GPC5: variants seen among roughly 807,000 people sequenced by gnomAD.
GPC5 encodes the protein glypican-5.
GPC5 carries 47 observed loss-of-function variants against 53.9 expected under a neutral mutation model. That is an observed-to-expected ratio of 0.87 (90% confidence interval 0.69 to 1.11). The LOEUF (loss-of-function observed/expected upper bound fraction) is 1.11. Among genes scored for constraint, GPC5 ranks in the 50% most tolerant of loss-of-function variants. The pLI, the probability that GPC5 is intolerant of heterozygous loss-of-function variation, is 0.00. For missense variants in GPC5, 748 were observed against 713.1 expected (o/e 1.05, Z -0.56); for synonymous variants, 286 against 263.3 (o/e 1.09, Z -0.84).
intron 6 of GPC5, among the ~76,000 whole-genome samples, chr13:92,137,703 G>T (rs1331005): frequency 3.3e-5 from 5 of 152,122 alleles, no homozygotes; most frequent in Admixed American, 6.5e-5. Context: ...ATGGTTCACT[G>T]CATTGTCCAC....
intron 6 of GPC5, among the ~76,000 whole-genome samples, chr13:91,927,890 T>G (rs2039783954): frequency 6.6e-6 from 1 of 152,214 alleles, no homozygotes; most frequent in Non-Finnish European, 1.5e-5. Flanking sequence ...TATAATTATT[T>G]TTCTTCCTTT....
At chr13:92,290,222 G>A (rs1044505388) in intron 7 of GPC5, among the ~76,000 whole-genome samples, 1 of 152,160 alleles carries the variant, frequency 6.6e-6, no homozygotes, top group Non-Finnish European at 1.5e-5. Flanking sequence ...AATTGATTAT[G>A]CAACATACTT....
chr13:92,737,095 A>G (rs919621299), intron 7 of GPC5, among the ~76,000 whole-genome samples: 1 of 151,998 alleles, frequency 6.6e-6, no homozygotes, highest in African/African-American at 2.4e-5. Context: ...CTCATGTTAT[A>G]TAACAGTTCA....
At chr13:92,840,817 C>T (rs550116781) in intron 7 of GPC5, among the ~76,000 whole-genome samples, 1 of 152,120 alleles carries the variant, frequency 6.6e-6, no homozygotes, top group Non-Finnish European at 1.5e-5. Context: ...AAGTCTTTTG[C>T]CACCTTATTT....
chr13:92,311,685 A>G (rs1482088138), intron 7 of GPC5, among the ~76,000 whole-genome samples: 2 of 152,106 alleles, frequency 1.3e-5, no homozygotes, highest in Non-Finnish European at 2.9e-5. Flanking sequence ...ATCTCATGAG[A>G]CTTATTCACT....
In GPC5 at chr13:91,398,685, G is replaced by A; in HGVS notation, c.-362G>A. Reference sequence around the variant, plus strand: ...GGCGGCGGCGGCGGCGGCAGTGGCGGCAGTGGCGGCAGTGGCGGCAGCGGC... The same window carrying A: ...GGCGGCGGCGGCGGCGGCAGTGGCGACAGTGGCGGCAGTGGCGGCAGCGGC... On this transcript the variant is annotated 5_prime_UTR_variant, in exon 1 of 8. Transcript: ENST00000377067. 4.4e-6 allele frequency: 1 copy of A among 225,460 alleles called. No individual in the cohort carries two copies. The highest frequency in any genetic ancestry group is 8.4e-6 in the Non-Finnish European group (1 of 118,412). 14.0% of individuals were successfully genotyped at this position (225,460 alleles called of 1,614,324 possible).
intron 7 of GPC5, among the ~76,000 whole-genome samples, chr13:92,410,992 T>C (rs1876016196): frequency 6.6e-6 from 1 of 152,230 alleles, no homozygotes; most frequent in Non-Finnish European, 1.5e-5. Flanking sequence ...CCCAGTACTT[T>C]GGGAGACCAA....
intron 6 of GPC5, among the ~76,000 whole-genome samples, chr13:92,098,473 C>T (rs1391571177): frequency 3.3e-5 from 5 of 152,020 alleles, no homozygotes; most frequent in Non-Finnish European, 5.9e-5. Flanking sequence ...GTTGATGCTG[C>T]AATGTGAACA....
chr13:92,140,586 C>T (rs1017693824), intron 6 of GPC5, among the ~76,000 whole-genome samples: 1 of 152,132 alleles, frequency 6.6e-6, no homozygotes, highest in Non-Finnish European at 1.5e-5. Flanking sequence ...TTCTGTGACC[C>T]ATCTTTTTGG....
In GPC5 at chr13:91,592,760, G is replaced by T. The variant is rs1414708; in HGVS notation, c.326-100427G>T. Among the ~76,000 whole-genome samples the T allele has an allele frequency of 6.1e-3, 927 of 152,242 alleles. 4 individuals are homozygous for T. Among genetic ancestry groups the T allele is most frequent in the African/African-American group, 0.02 (842 of 41,532 alleles). On this transcript the variant is annotated intron_variant, in intron 2 of 7. Coordinates refer to ENST00000377067, the MANE Select transcript of GPC5 (RefSeq NM_004466.6). ...TCCTAGGTTGCTGGAAACATAATCA[G>T]GTGCAGGAAAGCATCCAGGCTGGGC...
chr13:91,711,370 C>T (rs1329137517), intron 3 of GPC5, among the ~76,000 whole-genome samples: 1 of 152,088 alleles, frequency 6.6e-6, no homozygotes, highest in East Asian at 1.9e-4. Flanking sequence ...AAACCAAACA[C>T]CTCATGTTCT....
At chr13:92,585,446 G>A (rs1355938291) in intron 7 of GPC5, among the ~76,000 whole-genome samples, 3 of 152,198 alleles carry the variant, frequency 2.0e-5, no homozygotes, top group Admixed American at 6.5e-5. Flanking sequence ...TGGAATGGCG[G>A]TATTTATCCA....
intron 2 of GPC5, among the ~76,000 whole-genome samples, chr13:91,455,317 T>C (rs929012418): frequency 8.5e-5 from 13 of 152,100 alleles, no homozygotes; most frequent in Non-Finnish European, 1.9e-4. Context: ...TGAAACTCAC[T>C]CTAGTGGTTT....
chr13:91,795,026 T>C (rs1227409965), intron 5 of GPC5, among the ~76,000 whole-genome samples: 1 of 152,124 alleles, frequency 6.6e-6, no homozygotes, highest in Non-Finnish European at 1.5e-5. Flanking sequence ...ATGAAGAAAT[T>C]TGACAAGATC....
At chr13:91,481,380 G>A (rs1221377263) in intron 2 of GPC5, among the ~76,000 whole-genome samples, 1 of 152,106 alleles carries the variant, frequency 6.6e-6, no homozygotes, top group African/African-American at 2.4e-5. Flanking sequence ...CTGAATGACT[G>A]CTCACATTTT....
At chr13:92,508,833 T>C (rs969452530) in intron 7 of GPC5, among the ~76,000 whole-genome samples, 13 of 152,200 alleles carry the variant, frequency 8.5e-5, no homozygotes, top group Non-Finnish European at 1.8e-4. Context: ...TTTTAGGTTG[T>C]GCTAAAACAG....
At chr13:92,221,686 G>A (rs116436295) in intron 7 of GPC5, among the ~76,000 whole-genome samples, 6,007 of 151,862 alleles carry the variant, frequency 0.04, 418 homozygotes, top group African/African-American at 0.14. Context: ...TTCTTCTTGC[G>A]CAAAGTGCAC....
intron 7 of GPC5, among the ~76,000 whole-genome samples, chr13:92,335,633 A>G (rs1469628308): frequency 6.6e-6 from 1 of 152,046 alleles, no homozygotes; most frequent in African/African-American, 2.4e-5. Flanking sequence ...CTTCCTCTGG[A>G]ATGCTTTGTT....
At chr13:92,252,517 C>T (rs957531331) in intron 7 of GPC5, among the ~76,000 whole-genome samples, 4 of 151,902 alleles carry the variant, frequency 2.6e-5, no homozygotes, top group Non-Finnish European at 5.9e-5. Flanking sequence ...TGAAACTGCA[C>T]AATGATGACT....
Sources: gnomAD v4.1 joint callset for allele counts (sites outside exome capture counted in the v4.1 genomes callset) on GRCh38, gnomAD v4.1.1 for gene constraint, MANE v1.5 for transcripts, NCBI Gene and HGNC (gene_info 2026-07-23, HGNC 2026-07-21) for gene names.